TAS2R40: variants seen among roughly 807,000 people sequenced by gnomAD.
The protein encoded by TAS2R40 is taste receptor type 2 member 40.
In TAS2R40, 14 loss-of-function variants were observed where a neutral mutation model predicts 16.5. The observed-to-expected ratio is 0.85, with a 90% CI of 0.56 to 1.32. TAS2R40 has a LOEUF of 1.32. Among genes scored for constraint, TAS2R40 ranks in the 40% most tolerant of loss-of-function variants. The pLI, the probability that TAS2R40 is intolerant of heterozygous loss-of-function variation, is 0.00. For synonymous variants in TAS2R40, 152 were observed against 150.2 expected (o/e 1.01, Z -0.09); for missense variants, 350 against 385.9 (o/e 0.91, Z 0.78).
In TAS2R40 at chr7:143,222,744, A is replaced by G. The variant is rs1800251980; in HGVS notation, c.666A>G (p.Arg222=). The G allele has an allele frequency of 6.2e-7, 1 of 1,614,114 alleles. No homozygotes were observed. The highest frequency in any genetic ancestry group is 1.3e-5 in the African/African-American group (1 of 75,024). The change falls in exon 1 of 1, where the codon AGA becomes AGG. Residue 222 remains arginine (R), a synonymous_variant. Coordinates refer to ENST00000408947, the MANE Select transcript of TAS2R40 (RefSeq NM_176882.2). ...AATLLILSLK[R]HTLHMGSNAT... is the part of the protein sequence containing the mutation. ...CCCTGCTGATCCTCTCTCTCAAGAG[A>G]CACACCCTACACATGGGAAGCAATG... is the stretch of plus-strand genomic sequence containing the variant.
chr7:143,223,001 A>T lies in TAS2R40; in HGVS notation c.923A>T (p.Lys308Met), dbSNP rs1175281502. Reference sequence around the variant, plus strand: ...AACCCTGGGCTGAGAAGAGCCTGGAAGCGGTTTCAGCACCAAGTTCCTCTT... The same window carrying T: ...AACCCTGGGCTGAGAAGAGCCTGGATGCGGTTTCAGCACCAAGTTCCTCTT... ...LGNPGLRRAW[K>M]RFQHQVPLYL... is the part of the protein sequence containing the mutation. The change falls in exon 1 of 1, where the codon AAG becomes ATG. Residue 308 changes from lysine (K) to methionine (M), a missense_variant. Lys to Met is a moderately conservative substitution (Grantham distance 95). Transcript: ENST00000408947. The T allele has an allele frequency of 2.5e-6, 4 of 1,613,548 alleles. No homozygotes were observed. The highest frequency in any genetic ancestry group is 3.4e-6 in the Non-Finnish European group (4 of 1,179,744).
In TAS2R40 at chr7:143,222,458, A is replaced by G. The variant is rs1168237007; in HGVS notation, c.380A>G (p.Asn127Ser). Residue 127 changes from asparagine to serine, a missense_variant, in exon 1 of 1, where the codon AAT becomes AGT. Transcript: ENST00000408947. Reference sequence around the variant, plus strand: ...TATTGTCTTAGAATTGCAAACTTCAATCATCCTTTGTTCTTCCTGATGAAG... The same window carrying G: ...TATTGTCTTAGAATTGCAAACTTCAGTCATCCTTTGTTCTTCCTGATGAAG... ...VFYCLRIANF[N>S]HPLFFLMKRK... 15 of 1,614,078 alleles carry G rather than the reference A, an allele frequency of 9.3e-6. No homozygotes were observed. Among genetic ancestry groups the G allele is most frequent in the African/African-American group, 2.7e-5 (2 of 74,932 alleles).
At position 143,222,768 on chromosome 7, in the gene TAS2R40, T is replaced by C. The variant is rs1040216068; in HGVS notation, c.690T>C (p.Asn230=). ...GACACACCCTACACATGGGAAGCAA[T>C]GCCACAGGGTCCAGGGACCCCAGCA... is the stretch of plus-strand genomic sequence containing the variant. ...LKRHTLHMGS[N]ATGSRDPSMK... The change falls in exon 1 of 1, where the codon AAT becomes AAC. Residue 230 remains asparagine, a synonymous_variant. Transcript: ENST00000408947. 29 of 1,614,154 alleles carry C rather than the reference T, an allele frequency of 1.8e-5. No homozygotes were observed. Among genetic ancestry groups the C allele is most frequent in the Non-Finnish European group, 2.2e-5 (26 of 1,180,024 alleles).
Position 143,222,439 on chromosome 7 carries a change from C to A in TAS2R40, c.361C>A (p.Leu121Ile). The A allele has an allele frequency of 1.2e-6, 2 of 1,614,198 alleles. No individual in the cohort carries two copies. The highest frequency in any genetic ancestry group is 2.2e-5 in the South Asian group (2 of 91,078). The change falls in exon 1 of 1, where the codon CTT becomes ATT. Residue 121 changes from leucine (L) to isoleucine (I), a missense_variant. Transcript: ENST00000408947. ...FAAWLKVFYC[L>I]RIANFNHPLF... is the part of the protein sequence containing the mutation. ...TGCCTGGCTCAAAGTCTTCTATTGTCTTAGAATTGCAAACTTCAATCATCC... is the reference window on the plus strand; with the variant it reads ...TGCCTGGCTCAAAGTCTTCTATTGTATTAGAATTGCAAACTTCAATCATCC...
chr7:143,222,352 TCA>T lies in TAS2R40; in HGVS notation c.275_276del (p.Ser92CysfsTer30). The part of the protein sequence containing the change: ...LLFRIVYNQN[S>X]VYILFKVITV... ...ATTCCGAATTGTTTATAACCAAAAC[TCA>T]GTGTATATCCTCTTCAAAGTCATCA... On this transcript the variant is annotated frameshift_variant, in exon 1 of 1. Coordinates refer to ENST00000408947, the MANE Select transcript of TAS2R40 (RefSeq NM_176882.2). LOFTEE classifies it high-confidence loss of function. 1.2e-6 allele frequency: 2 copies of T among 1,614,206 alleles called. No homozygotes were observed. Among genetic ancestry groups the T allele is most frequent in the South Asian group, 2.2e-5 (2 of 91,082 alleles).
chr7:143,222,195 C>T lies in TAS2R40; in HGVS notation c.117C>T (p.Ile39=). 1 of 1,614,156 alleles carries T rather than the reference C, an allele frequency of 6.2e-7. No homozygotes were observed. The highest frequency in any genetic ancestry group is 8.5e-7 in the Non-Finnish European group (1 of 1,180,022). Residue 39 remains isoleucine, a synonymous_variant, in exon 1 of 1, where the codon ATC becomes ATT. Transcript: ENST00000408947. The part of the protein sequence containing the change: ...CITGILGSGF[I]TAIYGAEWAR... ...CTGGCATCCTTGGGAGTGGCTTCAT[C>T]ACGGCCATCTATGGGGCTGAGTGGG... is the stretch of plus-strand genomic sequence containing the variant.
chr7:143,222,880 T>C lies in TAS2R40; in HGVS notation c.802T>C (p.Ser268Pro). ...TGCAATTGCTCTATTTCTTTCCACG[T>C]CCAACATCTTTGACACTTACAGTTC... Reference protein sequence around the residue: ...FNAIALFLSTSNIFDTYSSWN... With the variant: ...FNAIALFLSTPNIFDTYSSWN... The change falls in exon 1 of 1, where the codon TCC becomes CCC. Residue 268 changes from serine to proline, a missense_variant. Ser to Pro is a moderately conservative substitution (Grantham distance 74, BLOSUM62 -1). Coordinates refer to ENST00000408947, the MANE Select transcript of TAS2R40 (RefSeq NM_176882.2). 6.2e-7 allele frequency: 1 copy of C among 1,614,232 alleles called. No homozygotes were observed. Among genetic ancestry groups the C allele is most frequent in the Non-Finnish European group, 8.5e-7 (1 of 1,180,040 alleles).
chr7:143,222,153 C>T lies in TAS2R40; in HGVS notation c.75C>T (p.Ser25=), dbSNP rs761646828. ...AGGTCACCTTCACTTTGGTGGTCTC[C>T]GGAATAGAGTGCATCACTGGCATCC... ...KFKVTFTLVV[S]GIECITGILG... is the part of the protein sequence containing the mutation. The change falls in exon 1 of 1, where the codon TCC becomes TCT. Residue 25 remains serine (S), a synonymous_variant. Transcript: ENST00000408947. The T allele has an allele frequency of 1.9e-5, 31 of 1,613,960 alleles. No homozygotes were observed. Among genetic ancestry groups the T allele is most frequent in the African/African-American group, 1.1e-4 (8 of 74,884 alleles).
In TAS2R40 at chr7:143,222,558, C is replaced by G; in HGVS notation, c.480C>G (p.Leu160=). 3 of 1,614,232 alleles carry G rather than the reference C, an allele frequency of 1.9e-6. No homozygotes were observed. The highest frequency in any genetic ancestry group is 2.5e-6 in the Non-Finnish European group (3 of 1,180,044). Reference sequence around the variant, plus strand: ...TTTCCTTAAGCTTCAGCTTTCCTCTCTCGAGAGATGTCTTCAATGTGTATG... The same window carrying G: ...TTTCCTTAAGCTTCAGCTTTCCTCTGTCGAGAGATGTCTTCAATGTGTATG... ...VLVSLSFSFP[L]SRDVFNVYVN... Residue 160 remains leucine (L), a synonymous_variant, in exon 1 of 1, where the codon CTC becomes CTG. Coordinates refer to ENST00000408947, the MANE Select transcript of TAS2R40 (RefSeq NM_176882.2).
chr7:143,222,332 G>C lies in TAS2R40; in HGVS notation c.254G>C (p.Arg85Pro). 1 of 1,614,168 alleles carries C rather than the reference G, an allele frequency of 6.2e-7. No individual in the cohort carries two copies. Among genetic ancestry groups the C allele is most frequent in the South Asian group, 1.1e-5 (1 of 91,084 alleles). The change falls in exon 1 of 1, where the codon CGA becomes CCA. Residue 85 changes from arginine (R) to proline (P), a missense_variant. By Grantham distance (103) the Arg-to-Pro change is moderately radical. Coordinates refer to ENST00000408947, the MANE Select transcript of TAS2R40 (RefSeq NM_176882.2). ...GAGAACATTTTCAGTCTGCTATTCCGAATTGTTTATAACCAAAACTCAGTG... is the reference window on the plus strand; with the variant it reads ...GAGAACATTTTCAGTCTGCTATTCCCAATTGTTTATAACCAAAACTCAGTG... ...MLENIFSLLF[R>P]IVYNQNSVYI...
Position 143,222,279 on chromosome 7 carries a change from G to A in TAS2R40, c.201G>A (p.Arg67=), listed in dbSNP as rs776096189. The change falls in exon 1 of 1, where the codon AGG becomes AGA. Residue 67 remains arginine (R), a synonymous_variant. Coordinates refer to ENST00000408947, the MANE Select transcript of TAS2R40 (RefSeq NM_176882.2). ...DRIMLMLSFS[R]LLLQIWMMLE... is the part of the protein sequence containing the mutation. ...TTATGTTGATGCTGAGCTTTTCCAG[G>A]CTCTTGCTACAGATTTGGATGATGC... 1 of 1,614,110 alleles carries A rather than the reference G, an allele frequency of 6.2e-7. No homozygotes were observed. The highest frequency in any genetic ancestry group is 1.1e-5 in the South Asian group (1 of 91,080).
In TAS2R40 at chr7:143,222,892, G is replaced by C; in HGVS notation, c.814G>C (p.Asp272His). The C allele has an allele frequency of 6.2e-7, 1 of 1,614,108 alleles. No homozygotes were observed. Among genetic ancestry groups the C allele is most frequent in the Non-Finnish European group, 8.5e-7 (1 of 1,180,042 alleles). ...ATTTCTTTCCACGTCCAACATCTTT[G>C]ACACTTACAGTTCCTGGAATATTTT... Reference protein sequence around the residue: ...ALFLSTSNIFDTYSSWNILCK... With the variant: ...ALFLSTSNIFHTYSSWNILCK... The change falls in exon 1 of 1, where the codon GAC becomes CAC. Residue 272 changes from aspartate to histidine, a missense_variant. Transcript: ENST00000408947.
rs991658545 is a variant in TAS2R40, at chr7:143,222,536, C to T, written c.458C>T (p.Ser153Phe). ...PWLLRLSVLV[S>F]LSFSFPLSRD... ...CTTCTCAGGCTGTCAGTGTTGGTTT[C>T]CTTAAGCTTCAGCTTTCCTCTCTCG... Residue 153 changes from serine (S) to phenylalanine (F), a missense_variant, in exon 1 of 1, where the codon TCC becomes TTC. Physicochemically the swap from Ser to Phe is radical, Grantham distance 155. Coordinates refer to ENST00000408947, the MANE Select transcript of TAS2R40 (RefSeq NM_176882.2). The T allele has an allele frequency of 3.7e-6, 6 of 1,614,032 alleles. No individual in the cohort carries two copies. The highest frequency in any genetic ancestry group is 5.1e-6 in the Non-Finnish European group (6 of 1,180,038).
Position 143,222,158 on chromosome 7 carries a change from T to C in TAS2R40, c.80T>C (p.Ile27Thr). The C allele has an allele frequency of 6.2e-7, 1 of 1,614,142 alleles. No homozygotes were observed. The highest frequency in any genetic ancestry group is 8.5e-7 in the Non-Finnish European group (1 of 1,180,014). The change falls in exon 1 of 1, where the codon ATA (isoleucine) becomes ACA (threonine). Residue 27 changes from isoleucine (I) to threonine (T), a missense_variant. Physicochemically the swap from Ile to Thr is moderately conservative, Grantham distance 89. Coordinates refer to ENST00000408947, the MANE Select transcript of TAS2R40 (RefSeq NM_176882.2). ...KVTFTLVVSG[I>T]ECITGILGSG... ...ACCTTCACTTTGGTGGTCTCCGGAA[T>C]AGAGTGCATCACTGGCATCCTTGGG...
Position 143,223,029 on chromosome 7 carries a change from C to T in TAS2R40, c.951C>T (p.Tyr317=). ...WKRFQHQVPL[Y]LKGQTL ...GGTTTCAGCACCAAGTTCCTCTTTACCTAAAAGGGCAGACTCTGTGACTGG... is the reference window on the plus strand; with the variant it reads ...GGTTTCAGCACCAAGTTCCTCTTTATCTAAAAGGGCAGACTCTGTGACTGG... Residue 317 remains tyrosine, a synonymous_variant, in exon 1 of 1, where the codon TAC becomes TAT. Coordinates refer to ENST00000408947, the MANE Select transcript of TAS2R40 (RefSeq NM_176882.2). The T allele has an allele frequency of 1.2e-6, 2 of 1,608,952 alleles. No homozygotes were observed. The highest frequency in any genetic ancestry group is 1.3e-5 in the African/African-American group (1 of 74,840).
rs1429390622 is a variant in TAS2R40, at chr7:143,222,353, C to T, written c.275C>T (p.Ser92Leu). The T allele has an allele frequency of 6.2e-7, 1 of 1,614,086 alleles. No homozygotes were observed. Among genetic ancestry groups the T allele is most frequent in the African/African-American group, 1.3e-5 (1 of 74,934 alleles). The change falls in exon 1 of 1, where the codon TCA (serine) becomes TTA (leucine). Residue 92 changes from serine to leucine, a missense_variant. By Grantham distance (145) the Ser-to-Leu change is moderately radical. Coordinates refer to ENST00000408947, the MANE Select transcript of TAS2R40 (RefSeq NM_176882.2). ...TTCCGAATTGTTTATAACCAAAACT[C>T]AGTGTATATCCTCTTCAAAGTCATC... is the stretch of plus-strand genomic sequence containing the variant. ...LLFRIVYNQN[S>L]VYILFKVITV...
At position 143,222,914 on chromosome 7, in the gene TAS2R40, T is replaced by C. The variant is rs867642647; in HGVS notation, c.836T>C (p.Ile279Thr). The part of the protein sequence containing the change: ...NIFDTYSSWN[I>T]LCKIIMAAYP... ...TTTGACACTTACAGTTCCTGGAATA[T>C]TTTGTGCAAGATCATCATGGCTGCC... Residue 279 changes from isoleucine (I) to threonine (T), a missense_variant, in exon 1 of 1, where the codon ATT becomes ACT. Ile to Thr is a moderately conservative substitution (Grantham distance 89, BLOSUM62 -1). Transcript: ENST00000408947. 1 of 1,614,186 alleles carries C rather than the reference T, an allele frequency of 6.2e-7. No individual in the cohort carries two copies. The highest frequency in any genetic ancestry group is 1.3e-5 in the African/African-American group (1 of 75,048).
At position 143,222,490 on chromosome 7, in the gene TAS2R40, A is replaced by T; in HGVS notation, c.412A>T (p.Ile138Phe). Residue 138 changes from isoleucine to phenylalanine, a missense_variant, in exon 1 of 1, where the codon ATC becomes TTC. By Grantham distance (21) the Ile-to-Phe change is conservative. Coordinates refer to ENST00000408947, the MANE Select transcript of TAS2R40 (RefSeq NM_176882.2). ...HPLFFLMKRK[I>F]IVLMPWLLRL... is the part of the protein sequence containing the mutation. ...TTTGTTCTTCCTGATGAAGAGGAAA[A>T]TCATAGTGCTGATGCCTTGGCTTCT... The T allele has an allele frequency of 6.2e-7, 1 of 1,614,142 alleles. No homozygotes were observed. Among genetic ancestry groups the T allele is most frequent in the Non-Finnish European group, 8.5e-7 (1 of 1,180,036 alleles).
rs767041720 is a variant in TAS2R40 at position 143,223,072 on chromosome 7, G to A, written c.*22G>A. ...GTGACTGGAACTCACGGAGTTCTGC[G>A]GGACCTGGTCCAACCACTTCTGCCT... On this transcript the variant is annotated 3_prime_UTR_variant, in exon 1 of 1. Coordinates refer to ENST00000408947, the MANE Select transcript of TAS2R40 (RefSeq NM_176882.2). The A allele has an allele frequency of 2.0e-5, 31 of 1,575,472 alleles. No individual in the cohort carries two copies. Among genetic ancestry groups the A allele is most frequent in the South Asian group, 6.0e-5 (5 of 84,016 alleles).
Sources: gnomAD v4.1 joint callset for allele counts on GRCh38, gnomAD v4.1.1 for gene constraint, MANE v1.5 for transcripts, NCBI Gene and HGNC (gene_info 2026-07-23, HGNC 2026-07-21) for gene names.